SPRED1: variants seen among roughly 807,000 people sequenced by gnomAD.
The protein encoded by SPRED1 is sprouty related EVH1 domain containing 1.
A neutral mutation model predicts 52.3 loss-of-function variants in SPRED1; 18 were observed. The observed-to-expected ratio is 0.34, with a 90% CI of 0.24 to 0.51. SPRED1 has a LOEUF of 0.51. SPRED1 is among the 20% of genes least tolerant of loss of function. The probability of loss-of-function intolerance (pLI) is 0.97; values close to 1 mark genes in which losing one functional copy is unlikely to be tolerated. For synonymous variants in SPRED1, 155 were observed against 179.7 expected, an observed-to-expected ratio of 0.86 and a Z score of 1.10; for missense variants, 485 against 551.0, an observed-to-expected ratio of 0.88 and a Z score of 1.20.
intron 2 of SPRED1, among the ~76,000 whole-genome samples, chr15:38,301,582 G>T (rs991494297): frequency 3.3e-5 from 5 of 152,100 alleles, no homozygotes; most frequent in Admixed American, 6.5e-5. Context: ...GTGATCAAAG[G>T]CAGAGGCGAT....
At position 38,315,069 on chromosome 15, in the gene SPRED1, A is replaced by G. The variant is rs1008402624; in HGVS notation, c.208-7172A>G. ...AATTCTATATAGAATGTCATAATGT[A>G]TTTCTTAAAGGGTACAGGTTTTTAT... On this transcript the variant is annotated intron_variant, in intron 2 of 6. Transcript: ENST00000299084. Among the ~76,000 whole-genome samples, 4 of 152,062 alleles carry G rather than the reference A, an allele frequency of 2.6e-5. No homozygotes were observed. In the South Asian group the frequency reaches 6.2e-4, roughly 24 times the overall value.
At chr15:38,330,400 T>A (rs1895784113) in intron 4 of SPRED1, among the ~76,000 whole-genome samples, 1 of 152,176 alleles carries the variant, frequency 6.6e-6, no homozygotes, top group Admixed American at 6.5e-5. Flanking sequence ...GGGGCTGGTT[T>A]ATTCTTACCC....
At chr15:38,278,849 A>T (rs1459349996) in intron 1 of SPRED1, among the ~76,000 whole-genome samples, 2 of 12,454 alleles carry the variant, frequency 1.6e-4, no homozygotes, top group African/African-American at 2.8e-4. Context: ...TTTTTGTGAA[A>T]TGAAGTCTCA....
chr15:38,280,668 G>A (rs771551431), intron 1 of SPRED1, among the ~76,000 whole-genome samples: 7 of 152,172 alleles, frequency 4.6e-5, no homozygotes, highest in East Asian at 1.9e-4. Context: ...GATAGTAAGC[G>A]TATATGTGGA....
chr15:38,322,417 T>G lies in SPRED1; in HGVS notation c.376+8T>G, dbSNP rs1267350406. ...TAGAGGATATTTCTCAAGGTAGGTATTCTTGACTATTTTCTTAATTTATTT... is the reference window on the plus strand; with the variant it reads ...TAGAGGATATTTCTCAAGGTAGGTAGTCTTGACTATTTTCTTAATTTATTT... On this transcript the variant is annotated splice_region_variant and intron_variant, in intron 3 of 6. Transcript: ENST00000299084. 6.2e-7 allele frequency: 1 copy of G among 1,612,234 alleles called. No individual in the cohort carries two copies. Among genetic ancestry groups the G allele is most frequent in the African/African-American group, 1.3e-5 (1 of 74,898 alleles).
intron 6 of SPRED1, among the ~76,000 whole-genome samples, chr15:38,349,860 A>G (rs962102146): frequency 1.3e-5 from 2 of 152,164 alleles, no homozygotes; most frequent in African/African-American, 2.4e-5. Flanking sequence ...GTTTGCCCCA[A>G]ACTGAGTCAG....
At chr15:38,280,116 G>A (rs1461613580) in intron 1 of SPRED1, among the ~76,000 whole-genome samples, 1 of 152,058 alleles carries the variant, frequency 6.6e-6, no homozygotes, top group Non-Finnish European at 1.5e-5. Flanking sequence ...GGTAACCCCA[G>A]TGTCTTTAAA....
At chr15:38,300,466 T>C (rs1486225002) in intron 2 of SPRED1, among the ~76,000 whole-genome samples, 1 of 152,196 alleles carries the variant, frequency 6.6e-6, no homozygotes, top group African/African-American at 2.4e-5. Flanking sequence ...CAAATAATTC[T>C]TCCATGCATG....
At chr15:38,262,301 A>G (rs953521996) in intron 1 of SPRED1, among the ~76,000 whole-genome samples, 14 of 152,260 alleles carry the variant, frequency 9.2e-5, no homozygotes, top group African/African-American at 3.4e-4. Flanking sequence ...ACAGTCCACA[A>G]GGGAAATAGA....
At position 38,255,005 on chromosome 15, in the gene SPRED1, G is replaced by A. The variant is rs568869504; in HGVS notation, c.32+1788G>A. On this transcript the variant is annotated intron_variant, in intron 1 of 6. Coordinates refer to ENST00000299084, the MANE Select transcript of SPRED1 (RefSeq NM_152594.3). Reference sequence around the variant, plus strand: ...TTACCAGTTTAATTTTTTTCTTAAAGCAGTGAATATCTCCTTGTTTCCTTC... The same window carrying A: ...TTACCAGTTTAATTTTTTTCTTAAAACAGTGAATATCTCCTTGTTTCCTTC... Among the ~76,000 whole-genome samples, 17 of 152,266 alleles carry A rather than the reference G, an allele frequency of 1.1e-4. No individual in the cohort carries two copies. The South Asian group carries it at 3.1e-3, about 28-fold the overall frequency.
chr15:38,325,511 G>A (rs1450096956), intron 4 of SPRED1, among the ~76,000 whole-genome samples: 1 of 151,958 alleles, frequency 6.6e-6, no homozygotes, highest in Non-Finnish European at 1.5e-5. Flanking sequence ...GGCAGAATGG[G>A]CAGGCACGCT....
At chr15:38,325,884 G>A (rs1895702488) in intron 4 of SPRED1, 2 of 152,158 alleles carry the variant, frequency 1.3e-5, no homozygotes, top group Admixed American at 1.3e-4. Context: ...AACAGGAATT[G>A]TGAAATAATA....
intron 1 of SPRED1, among the ~76,000 whole-genome samples, chr15:38,257,763 A>G (rs903451182): frequency 2.0e-5 from 3 of 152,204 alleles, no homozygotes; most frequent in Non-Finnish European, 2.9e-5. Flanking sequence ...ATGGTTCCAC[A>G]TTAGTGCCAA....
At chr15:38,349,043 C>T (rs1265444474) in intron 5 of SPRED1, among the ~76,000 whole-genome samples, 1 of 152,084 alleles carries the variant, frequency 6.6e-6, no homozygotes, top group African/African-American at 2.4e-5. Flanking sequence ...TCAGTCATTG[C>T]CCCTCCTTCC....
intron 2 of SPRED1, among the ~76,000 whole-genome samples, chr15:38,312,536 G>T (rs1452319451): frequency 3.3e-5 from 5 of 152,078 alleles, no homozygotes; most frequent in African/African-American, 1.2e-4. Context: ...TCTATAAAAG[G>T]TGGTGACATT....
chr15:38,343,394 A>G (rs1441803332), intron 5 of SPRED1, among the ~76,000 whole-genome samples: 2 of 152,120 alleles, frequency 1.3e-5, no homozygotes, highest in African/African-American at 4.8e-5. Context: ...AAAAAAATTG[A>G]TAGAGAAAGG....
chr15:38,342,335 C>CATA (rs1371194153), intron 5 of SPRED1, among the ~76,000 whole-genome samples: 1 of 151,988 alleles, frequency 6.6e-6, no homozygotes, highest in East Asian at 1.9e-4. Flanking sequence ...GGGTAATGCA[C>CATA]ATATCTACAG....
intron 2 of SPRED1, among the ~76,000 whole-genome samples, chr15:38,321,714 C>T (rs113924752): frequency 0.037 from 5,587 of 152,224 alleles, 159 homozygotes; most frequent in Middle Eastern, 0.065. Flanking sequence ...CTGCCTCAGC[C>T]TCCTGAGTAG....
At chr15:38,269,140 C>T (rs2140955110) in intron 1 of SPRED1, among the ~76,000 whole-genome samples, 1 of 152,156 alleles carries the variant, frequency 6.6e-6, no homozygotes, top group South Asian at 2.1e-4. Context: ...CGGGGTTTCA[C>T]CGTGTGTTAG....
Sources: allele counts gnomAD v4.1 joint callset (sites outside exome capture counted in the v4.1 genomes callset), GRCh38; gene constraint gnomAD v4.1.1; transcripts MANE v1.5; gene names NCBI Gene and HGNC (gene_info 2026-07-23, HGNC 2026-07-21).